STIL: variants seen among roughly 807,000 people sequenced by gnomAD.
The protein encoded by STIL is SCL-interrupting locus protein.
STIL carries 55 observed loss-of-function variants against 110.1 expected under a neutral mutation model. That is an observed-to-expected ratio of 0.50 (90% CI 0.40 to 0.63). STIL has a LOEUF of 0.63. Ranked by LOEUF, STIL falls within the 20% of genes least tolerant of loss-of-function variation. The pLI is 0.00. For synonymous variants in STIL, 481 were observed against 530.0 expected (o/e 0.91, Z 1.27); for missense variants, 1,358 against 1,530.0 (o/e 0.89, Z 1.87).
intron 5 of STIL, among the ~76,000 whole-genome samples, chr1:47,300,534 T>C (rs931387299): frequency 6.6e-6 from 1 of 152,162 alleles, no homozygotes; most frequent in South Asian, 2.1e-4. Flanking sequence ...AGTGGTGCGA[T>C]CTCAGCTCAC....
chr1:47,284,862 C>T (rs1645249412), intron 10 of STIL, among the ~76,000 whole-genome samples: 1 of 151,276 alleles, frequency 6.6e-6, no homozygotes, highest in Admixed American at 6.6e-5. Flanking sequence ...TGTACTCCAG[C>T]CTGGGTGACA....
Position 47,289,590 on chromosome 1 carries a change from A to C in STIL, c.873-5T>G. Reference sequence around the variant, plus strand: ...TTTCCAGATTCTGAAAAAACCCTGCACAAAAAAAGTCATTTAATTAAAATT... The same window carrying C: ...TTTCCAGATTCTGAAAAAACCCTGCCCAAAAAAAGTCATTTAATTAAAATT... On this transcript the variant is annotated splice_region_variant and splice_polypyrimidine_tract_variant and intron_variant, in intron 8 of 16. Transcript: ENST00000371877. 6.2e-7 allele frequency: 1 copy of C among 1,611,916 alleles called. No individual in the cohort carries two copies. Among genetic ancestry groups the C allele is most frequent in the Non-Finnish European group, 8.5e-7 (1 of 1,178,118 alleles).
rs534257350 is a variant in STIL at position 47,286,572 on chromosome 1, G to A, written c.1133+979C>T. 1.1e-3 allele frequency among the ~76,000 whole-genome samples: 165 copies of A among 151,426 alleles called. 5 individuals carry two copies. The South Asian group carries it at 0.032, about 29-fold the overall frequency. ...AAAAAATACAAAAAATTAGCCTGGC[G>A]TAGTCCCAGCTACTCGGGAGGCTGA... On this transcript the variant is annotated intron_variant, in intron 10 of 16. Transcript: ENST00000371877.
At chr1:47,271,110 G>T (rs893547016) in intron 13 of STIL, among the ~76,000 whole-genome samples, 11 of 151,986 alleles carry the variant, frequency 7.2e-5, no homozygotes, top group African/African-American at 2.2e-4. Context: ...TCACAGATTT[G>T]ATATGCTTAT....
chr1:47,302,593 A>G (rs1477516153), intron 3 of STIL, among the ~76,000 whole-genome samples: 1 of 152,178 alleles, frequency 6.6e-6, no homozygotes, highest in Non-Finnish European at 1.5e-5. Flanking sequence ...CTCAGCAGGT[A>G]GGTCTCCTGT....
In STIL at chr1:47,309,350, T is replaced by C. The variant is rs556629108; in HGVS notation, c.44+926A>G. On this transcript the variant is annotated intron_variant, in intron 2 of 16. Transcript: ENST00000371877. ...TTTCCCCATGTTGCCCAGGCTGATT[T>C]TGAACTCCTGAGCTCAAGCGATCTG... Among the ~76,000 whole-genome samples, 19 of 152,212 alleles carry C rather than the reference T, an allele frequency of 1.2e-4. No homozygotes were observed. The East Asian group carries it at 3.7e-3, about 29-fold the overall frequency.
At position 47,282,345 on chromosome 1, in the gene STIL, C is replaced by T; in HGVS notation, c.1248G>A (p.Lys416=). 1.3e-6 allele frequency: 2 copies of T among 1,594,464 alleles called. No homozygotes were observed. The highest frequency in any genetic ancestry group is 2.2e-5 in the South Asian group (2 of 90,718). The change falls in exon 11 of 17, where the codon AAG becomes AAA. Residue 416 remains lysine (K), a splice_region_variant and synonymous_variant. Transcript: ENST00000371877. ...PIPSPHPVSQ[K]ISKIQPSVPE... is the part of the protein sequence containing the mutation. ...GAATGCATTTTAAAATCAGTGATAC[C>T]TTCTGACTCACTGGATGAGGACTAG...
At chr1:47,313,161 T>C (rs35711761) in intron 1 of STIL, 58,008 of 151,830 alleles carry the variant, frequency 0.38, 13,883 homozygotes, top group Non-Finnish European at 0.51. Context: ...CCGTCTCTAC[T>C]AAAAATACAA....
chr1:47,269,770 A>G lies in STIL; in HGVS notation c.2480T>C (p.Phe827Ser). 1 of 1,614,200 alleles carries G rather than the reference A, an allele frequency of 6.2e-7. No individual in the cohort carries two copies. ...GACTTCATTATTAATATCGACAGAA[A>G]AATTCATGTCCTCACTGGAAATTTT... ...DTKISSEDMNFSVDINNEVTS... is the reference protein window; with the variant it reads ...DTKISSEDMNSSVDINNEVTS... The change falls in exon 14 of 17, where the codon TTT (phenylalanine) becomes TCT (serine). Residue 827 changes from phenylalanine to serine, a missense_variant. Coordinates refer to ENST00000371877, the MANE Select transcript of STIL (RefSeq NM_001048166.1).
intron 14 of STIL, among the ~76,000 whole-genome samples, chr1:47,264,202 C>T (rs770300342): frequency 8.5e-5 from 13 of 152,184 alleles, no homozygotes; most frequent in Non-Finnish European, 1.9e-4. Context: ...CGTGAGGACA[C>T]AAGGAAGAGG....
At chr1:47,270,646 A>T (rs1462013659) in intron 13 of STIL, among the ~76,000 whole-genome samples, 1 of 149,388 alleles carries the variant, frequency 6.7e-6, no homozygotes, top group African/African-American at 2.5e-5. Flanking sequence ...GGCAGGTATT[A>T]AAAAAAATCA....
intron 16 of STIL, among the ~76,000 whole-genome samples, chr1:47,258,332 G>A (rs1644381491): frequency 6.6e-6 from 1 of 152,152 alleles, no homozygotes; most frequent in African/African-American, 2.4e-5. Flanking sequence ...CTTTGATCCT[G>A]CCTATCTAGG....
chr1:47,267,708 T>TTTTTGTTTTG (rs10637098), intron 14 of STIL, among the ~76,000 whole-genome samples: 9 of 144,434 alleles, frequency 6.2e-5, no homozygotes, highest in African/African-American at 1.0e-4. Context: ...TAGAATCCGT[T>TTTTTGTTTTG]TTTTGTTTTG....
intron 7 of STIL, among the ~76,000 whole-genome samples, chr1:47,294,773 T>G (rs1022375489): frequency 1.3e-5 from 2 of 152,162 alleles, no homozygotes; most frequent in African/African-American, 4.8e-5. Flanking sequence ...CTAAAGGAGA[T>G]TTCTGCAAGA....
upstream of STIL, among the ~76,000 whole-genome samples, chr1:47,314,832 C>T (rs1646238974): frequency 6.6e-6 from 1 of 151,530 alleles, no homozygotes; most frequent in Non-Finnish European, 1.5e-5. Context: ...TCAAGCGATT[C>T]TCCTGTCTCA....
At chr1:47,253,127 T>C (rs1179895221) in intron 16 of STIL, among the ~76,000 whole-genome samples, 2 of 152,200 alleles carry the variant, frequency 1.3e-5, no homozygotes. Context: ...TGCTAATTAC[T>C]GAGTCGTTAT....
At chr1:47,278,136 A>G (rs551331080) in intron 12 of STIL, among the ~76,000 whole-genome samples, 4 of 152,208 alleles carry the variant, frequency 2.6e-5, no homozygotes, top group Admixed American at 6.5e-5. Context: ...AATCTATAGT[A>G]TAGAGATACT....
chr1:47,266,782 T>C (rs1644667184), intron 14 of STIL, among the ~76,000 whole-genome samples: 1 of 152,198 alleles, frequency 6.6e-6, no homozygotes, highest in East Asian at 1.9e-4. Flanking sequence ...TTAACATCCT[T>C]CAGTTCTCCA....
intron 8 of STIL, among the ~76,000 whole-genome samples, chr1:47,293,063 T>C (rs942097007): frequency 3.3e-5 from 5 of 152,218 alleles, no homozygotes; most frequent in African/African-American, 1.2e-4. Context: ...AAGTATTTCT[T>C]TGTGTATTAG....
Sources: gnomAD v4.1 joint callset for allele counts (sites outside exome capture counted in the v4.1 genomes callset) on GRCh38, gnomAD v4.1.1 for gene constraint, MANE v1.5 for transcripts, NCBI Gene and HGNC (gene_info 2026-07-23, HGNC 2026-07-21) for gene names.